The following RNF144A variants were observed in gnomAD, a reference collection of about 807,000 sequenced individuals.
RNF144A encodes the protein E3 ubiquitin-protein ligase RNF144A.
A neutral mutation model predicts 38.7 loss-of-function variants in RNF144A; 11 were observed. That is an observed-to-expected ratio of 0.28 (90% confidence interval 0.18 to 0.47). RNF144A has a LOEUF of 0.47. Among genes scored for constraint, RNF144A ranks in the 20% least tolerant of loss-of-function variants. RNF144A has a pLI of 0.99. For synonymous variants in RNF144A, 149 were observed against 143.9 expected (o/e 1.04, Z -0.25); for missense variants, 316 against 377.2 (o/e 0.84, Z 1.34).
intron 7 of RNF144A, among the ~76,000 whole-genome samples, chr2:7,026,664 A>G (rs866282455): frequency 1.3e-5 from 2 of 152,206 alleles, no homozygotes; most frequent in African/African-American, 4.8e-5. Flanking sequence ...TGGAGGCTGC[A>G]TTAGAAATGG....
At chr2:6,983,870 C>G (rs929702380) in intron 2 of RNF144A, among the ~76,000 whole-genome samples, 14 of 152,228 alleles carry the variant, frequency 9.2e-5, no homozygotes, top group African/African-American at 2.9e-4. Flanking sequence ...GCAGAAGCCT[C>G]GGAGACACCC....
chr2:6,920,980 CAGAAATAAAA>C (rs1558350129), intron 1 of RNF144A, among the ~76,000 whole-genome samples: 3 of 152,090 alleles, frequency 2.0e-5, no homozygotes, highest in Non-Finnish European at 4.4e-5. Context: ...TTCCAAGATC[CAGAAATAAAA>C]ATGTACTGTT....
intron 6 of RNF144A, among the ~76,000 whole-genome samples, chr2:7,057,969 G>A (rs565199628): frequency 5.9e-5 from 9 of 152,338 alleles, no homozygotes; most frequent in Admixed American, 1.3e-4. Context: ...AGGTTTAAAC[G>A]ATGGAGTAGA....
rs758906074 is a variant in RNF144A, at chr2:6,962,638, G to A, written c.-12+21491G>A. Among the ~76,000 whole-genome samples the A allele has an allele frequency of 2.5e-4, 38 of 152,226 alleles. No homozygotes were observed. The highest frequency in any genetic ancestry group is 3.4e-4 in the Non-Finnish European group (23 of 68,026). On this transcript the variant is annotated intron_variant, in intron 2 of 8. Coordinates refer to ENST00000320892, the MANE Select transcript of RNF144A (RefSeq NM_014746.6). The surrounding 1 kb of genome is among the most constrained non-coding windows in gnomAD (Gnocchi z 4.1). ...TCATCAGATTATGGATAAATTCACC[G>A]AAATAAGGAAAACTTCTAACACTTA...
intron 2 of RNF144A, among the ~76,000 whole-genome samples, chr2:6,942,877 G>A (rs559114085): frequency 1.9e-4 from 29 of 152,262 alleles, no homozygotes; most frequent in East Asian, 9.6e-4. Context: ...CCAGCTACTC[G>A]GGAGGCTGAG....
Position 7,024,440 on chromosome 2 carries a change from G to T in RNF144A, c.581G>T (p.Arg194Leu), listed in dbSNP as rs1182798895. The T allele has an allele frequency of 6.2e-7, 1 of 1,613,168 alleles. No individual in the cohort carries two copies. Among genetic ancestry groups the T allele is most frequent in the South Asian group, 1.1e-5 (1 of 91,072 alleles). Residue 194 changes from arginine (R) to leucine (L), a missense_variant, in exon 7 of 9, where the codon CGA becomes CTA. Physicochemically the swap from Arg to Leu is moderately radical, Grantham distance 102 (BLOSUM62 -2). Transcript: ENST00000320892. ...RCPKCKVYIE[R>L]DEGCAQMMCK... ...CCCAAGTGCAAAGTCTACATCGAGC[G>T]AGACGAAGGCTGCGCGCAGATGATG...
At chr2:6,990,134 AATTT>A (rs1669235564) in intron 2 of RNF144A, among the ~76,000 whole-genome samples, 1 of 152,026 alleles carries the variant, frequency 6.6e-6, no homozygotes. Context: ...AAACAACAGA[AATTT>A]ATTTTCTTGC....
chr2:6,999,377 A>T (rs575893642), intron 3 of RNF144A, among the ~76,000 whole-genome samples: 1 of 152,278 alleles, frequency 6.6e-6, no homozygotes, highest in Non-Finnish European at 1.5e-5. Flanking sequence ...GGTCGCCCCA[A>T]GCTGGGGGCA....
At chr2:6,925,332 G>A (rs960712787) in intron 1 of RNF144A, among the ~76,000 whole-genome samples, 7 of 152,162 alleles carry the variant, frequency 4.6e-5, no homozygotes, top group Admixed American at 6.5e-5. Flanking sequence ...AGCCAGTCTG[G>A]TCATTGGTGG....
At chr2:6,950,160 C>T (rs1666588714) in intron 2 of RNF144A, among the ~76,000 whole-genome samples, 1 of 152,208 alleles carries the variant, frequency 6.6e-6, no homozygotes, top group African/African-American at 2.4e-5. Context: ...CAAACGAGAG[C>T]ATCGTTGATG....
intron 1 of RNF144A, among the ~76,000 whole-genome samples, chr2:6,926,675 C>T (rs1225094404): frequency 6.6e-6 from 1 of 152,226 alleles, no homozygotes; most frequent in African/African-American, 2.4e-5. Flanking sequence ...ACAGGCTTCT[C>T]ATAGGAGGCG....
intron 8 of RNF144A, among the ~76,000 whole-genome samples, chr2:7,031,076 T>C (rs988721566): frequency 1.3e-5 from 2 of 151,920 alleles, no homozygotes; most frequent in African/African-American, 4.8e-5. Flanking sequence ...CAGATGAAGG[T>C]TTGCTCGTTT....
intron 1 of RNF144A, among the ~76,000 whole-genome samples, chr2:6,930,369 T>C (rs1182566140): frequency 2.6e-5 from 4 of 152,144 alleles, no homozygotes; most frequent in Non-Finnish European, 5.9e-5. Context: ...TATTTTTTTA[T>C]TTTTCAATTA....
At chr2:6,923,708 A>G (rs1664688116) in intron 1 of RNF144A, among the ~76,000 whole-genome samples, 1 of 152,156 alleles carries the variant, frequency 6.6e-6, no homozygotes, top group African/African-American at 2.4e-5. Context: ...TCCAGGGTCC[A>G]GGCCAGGTCC....
At chr2:7,017,223 G>A (rs958675499) in intron 5 of RNF144A, among the ~76,000 whole-genome samples, 2 of 152,092 alleles carry the variant, frequency 1.3e-5, no homozygotes, top group African/African-American at 4.8e-5. Flanking sequence ...AGACAGGACT[G>A]TGGGTCCTCA....
intron 6 of RNF144A, among the ~76,000 whole-genome samples, chr2:7,066,570 G>A (rs572345192): frequency 2.0e-4 from 31 of 152,298 alleles, no homozygotes; most frequent in African/African-American, 7.2e-4. Context: ...GTAAGAATAT[G>A]TTTTCCTTGT....
chr2:7,054,450 A>G (rs1157773601), intron 6 of RNF144A, among the ~76,000 whole-genome samples: 1 of 152,224 alleles, frequency 6.6e-6, no homozygotes, highest in African/African-American at 2.4e-5. Context: ...TATATAGGGT[A>G]TGGGACACAA....
intron 3 of RNF144A, among the ~76,000 whole-genome samples, chr2:6,998,279 C>T (rs1170124698): frequency 1.3e-5 from 2 of 152,178 alleles, no homozygotes; most frequent in African/African-American, 2.4e-5. Flanking sequence ...GTCACTCGAA[C>T]AGTCTCTCCC....
intron 2 of RNF144A, among the ~76,000 whole-genome samples, chr2:6,955,982 A>G (rs1399642552): frequency 6.6e-6 from 1 of 152,206 alleles, no homozygotes; most frequent in African/African-American, 2.4e-5. Context: ...ACACTTAAGT[A>G]CTAGTTAAAT....
Sources: allele counts gnomAD v4.1 joint callset (sites outside exome capture counted in the v4.1 genomes callset), GRCh38; gene constraint gnomAD v4.1.1; non-coding constraint Gnocchi (gnomAD v3.1); transcripts MANE v1.5; gene names NCBI Gene and HGNC (gene_info 2026-07-23, HGNC 2026-07-21).